Variants in STK33 observed in about 807,000 individuals in gnomAD.
STK33 encodes the protein serine/threonine kinase 33.
In STK33, 52 loss-of-function variants were observed where a neutral mutation model predicts 58.0. The ratio of observed to expected loss-of-function variants is 0.90; its 90% CI spans 0.72 to 1.13. The LOEUF (loss-of-function observed/expected upper bound fraction) is 1.13, where lower values mean the gene tolerates loss of function less well. STK33 is among the 50% of genes most tolerant of loss of function. STK33 has a pLI of 0.00. For synonymous variants in STK33, 215 were observed against 200.1 expected, an observed-to-expected ratio of 1.07 and a Z score of -0.63; for missense variants, 630 against 604.2, an observed-to-expected ratio of 1.04 and a Z score of -0.45.
chr11:8,586,112 G>T (rs1196631745), intron 1 of STK33, among the ~76,000 whole-genome samples: 1 of 151,756 alleles, frequency 6.6e-6, no homozygotes, highest in Non-Finnish European at 1.5e-5. Flanking sequence ...AGCTACTCAG[G>T]AGGCTGAGAT....
At chr11:8,447,522 C>T (rs1291170226) in intron 11 of STK33, among the ~76,000 whole-genome samples, 1 of 152,110 alleles carries the variant, frequency 6.6e-6, no homozygotes, top group Non-Finnish European at 1.5e-5. Flanking sequence ...ATAAACAGAA[C>T]CAACGACAAA....
chr11:8,566,900 G>A (rs1358924572), intron 1 of STK33, among the ~76,000 whole-genome samples: 1 of 152,122 alleles, frequency 6.6e-6, no homozygotes, highest in East Asian at 1.9e-4. Context: ...TGGGCGTGGC[G>A]GCTCATGCCT....
In STK33 at chr11:8,422,539, T is replaced by C. The variant is rs568714189; in HGVS notation, c.1147-8847A>G. ...AAGAGTTATAAGTTTAAGATGAAAG[T>C]ATGGTAGAACTCTAAAATTATTTGG... is the stretch of plus-strand genomic sequence containing the variant. On this transcript the variant is annotated intron_variant, in intron 14 of 15. Coordinates refer to ENST00000687296, the MANE Select transcript of STK33 (RefSeq NM_001352389.2). Among the ~76,000 whole-genome samples the C allele has an allele frequency of 2.6e-5, 4 of 152,264 alleles. No individual in the cohort carries two copies. The South Asian group carries it at 8.3e-4, about 32-fold the overall frequency.
At chr11:8,455,445 T>C (rs952413937) in intron 9 of STK33, among the ~76,000 whole-genome samples, 2 of 152,306 alleles carry the variant, frequency 1.3e-5, no homozygotes, top group South Asian at 2.1e-4. Flanking sequence ...CAAATAACCA[T>C]GTACCAAACA....
intron 1 of STK33, among the ~76,000 whole-genome samples, chr11:8,542,229 A>G (rs1955576391): frequency 6.6e-6 from 1 of 152,218 alleles, no homozygotes; most frequent in Non-Finnish European, 1.5e-5. Context: ...TTTTATTTCA[A>G]TATTTCTACG....
intron 8 of STK33, among the ~76,000 whole-genome samples, chr11:8,460,182 T>C (rs531551550): frequency 4.6e-5 from 7 of 152,182 alleles, no homozygotes; most frequent in African/African-American, 1.7e-4. Flanking sequence ...TCACAACATC[T>C]GGCATCTGGC....
chr11:8,501,445 C>T (rs1951507295), intron 1 of STK33, among the ~76,000 whole-genome samples: 2 of 152,114 alleles, frequency 1.3e-5, no homozygotes, highest in African/African-American at 4.8e-5. Flanking sequence ...TGTTCAGCAT[C>T]ATTAGTTATC....
the STK33 span, among the ~76,000 whole-genome samples, chr11:8,351,254 CA>C: frequency 2.0e-5 from 3 of 152,160 alleles, no homozygotes; most frequent in African/African-American, 4.8e-5. Flanking sequence ...TGGCCTTACC[CA>C]AAAACCCACT....
chr11:8,464,614 G>A, intron 7 of STK33, 95 bp downstream of exon 7: 4 of 798,272 alleles, frequency 5.0e-6, no homozygotes, highest in East Asian at 5.3e-5. Context: ...ACCTCAGGGT[G>A]AGAGGCAGCT....
intron 15 of STK33, among the ~76,000 whole-genome samples, chr11:8,393,088 A>G (rs1848798707): frequency 6.6e-6 from 1 of 152,214 alleles, no homozygotes; most frequent in East Asian, 1.9e-4. Context: ...TAAGTACAAT[A>G]TAATTATTCT....
chr11:8,345,489 G>T, the STK33 span, among the ~76,000 whole-genome samples: 149 of 152,302 alleles, frequency 9.8e-4, no homozygotes, highest in African/African-American at 3.5e-3. Flanking sequence ...GAAAGCACAC[G>T]GATCTTCACG....
At chr11:8,498,428 G>A (rs890183602) in intron 1 of STK33, among the ~76,000 whole-genome samples, 14 of 152,128 alleles carry the variant, frequency 9.2e-5, no homozygotes, top group Non-Finnish European at 1.5e-4. Context: ...CCTGCTCGAG[G>A]AAATAAGAGA....
At chr11:8,564,645 T>G (rs192693166) in intron 1 of STK33, among the ~76,000 whole-genome samples, 147 of 152,326 alleles carry the variant, frequency 9.7e-4, no homozygotes, top group Non-Finnish European at 1.6e-3. Flanking sequence ...TAACCACAGA[T>G]GGACCCTGGC....
At chr11:8,564,253 G>C (rs1176545368) in intron 1 of STK33, among the ~76,000 whole-genome samples, 1 of 152,154 alleles carries the variant, frequency 6.6e-6, no homozygotes, top group Non-Finnish European at 1.5e-5. Flanking sequence ...CCATCAAATG[G>C]CTTCCTTCTC....
Position 8,392,489 on chromosome 11 carries a change from T to G in STK33, c.*21A>C. ...AACAAGAGCAGCTTTGTTTTTGTAC[T>G]GTCCAACACTGGAGGGAACCTTAGA... On this transcript the variant is annotated 3_prime_UTR_variant, in exon 16 of 16. Coordinates refer to ENST00000687296, the MANE Select transcript of STK33 (RefSeq NM_001352389.2). 1 of 1,613,388 alleles carries G rather than the reference T, an allele frequency of 6.2e-7. No homozygotes were observed. The highest frequency in any genetic ancestry group is 8.5e-7 in the Non-Finnish European group (1 of 1,179,842).
intron 1 of STK33, among the ~76,000 whole-genome samples, chr11:8,551,120 A>G (rs1355357939): frequency 6.6e-6 from 1 of 152,078 alleles, no homozygotes; most frequent in Non-Finnish European, 1.5e-5. Context: ...TATTTAAGTC[A>G]GTTATTCTGA....
the STK33 span, among the ~76,000 whole-genome samples, chr11:8,352,100 G>A: frequency 2.0e-5 from 3 of 152,206 alleles, no homozygotes; most frequent in Non-Finnish European, 2.9e-5. Context: ...CCCCTGGGCA[G>A]TGGGCAAAGC....
At chr11:8,549,890 G>T in intron 1 of STK33, among the ~76,000 whole-genome samples, 1 of 151,828 alleles carries the variant, frequency 6.6e-6, no homozygotes. Context: ...CCAAAGGTTT[G>T]TTGATTTTCA....
chr11:8,335,842 T>G, the STK33 span, among the ~76,000 whole-genome samples: 1 of 152,190 alleles, frequency 6.6e-6, no homozygotes. Flanking sequence ...AAATCTAGCG[T>G]GTATTTTACA....
Sources: gnomAD v4.1 joint callset for allele counts (sites outside exome capture counted in the v4.1 genomes callset) on GRCh38, gnomAD v4.1.1 for gene constraint, MANE v1.5 for transcripts, NCBI Gene and HGNC (gene_info 2026-07-23, HGNC 2026-07-21) for gene names.